Variants in STX11 observed in about 807,000 individuals in gnomAD.
The protein encoded by STX11 is syntaxin-11.
A neutral mutation model predicts 19.9 loss-of-function variants in STX11; 21 were observed. That is an observed-to-expected ratio of 1.06 (90% CI 0.75 to 1.52). STX11 has a LOEUF of 1.52. Among genes scored for constraint, STX11 ranks in the 40% most tolerant of loss-of-function variants. The pLI, the probability that STX11 is intolerant of heterozygous loss-of-function variation, is 0.00. For missense variants in STX11, 438 were observed against 405.9 expected, an observed-to-expected ratio of 1.08 and a Z score of -0.68; for synonymous variants, 193 against 174.4, an observed-to-expected ratio of 1.11 and a Z score of -0.84.
In STX11 at chr6:144,170,799, G is replaced by A. The variant is rs1801608740; in HGVS notation, c.-5-15824G>A. The stretch of plus-strand genomic sequence containing the variant: ...ACAAATGGCATCATTTATACAAATA[G>A]TTACTGAATCTACATTAGTTATTTG... On this transcript the variant is annotated intron_variant, in intron 1 of 1. Transcript: ENST00000367568. The surrounding 1 kb of genome is among the most constrained non-coding windows in gnomAD (Gnocchi z 4.7). Among the ~76,000 whole-genome samples the A allele has an allele frequency of 6.6e-6, 1 of 152,142 alleles. No individual in the cohort carries two copies. Among genetic ancestry groups the A allele is most frequent in the African/African-American group, 2.4e-5 (1 of 41,418 alleles).
rs775005898 is a variant in STX11 at position 144,160,965 on chromosome 6, T to A, written c.-6+10262T>A. 7.2e-4 allele frequency among the ~76,000 whole-genome samples: 110 copies of A among 152,338 alleles called. No homozygotes were observed. Among genetic ancestry groups the A allele is most frequent in the Non-Finnish European group, 1.3e-3 (87 of 68,032 alleles). On this transcript the variant is annotated intron_variant, in intron 1 of 1. Coordinates refer to ENST00000367568, the MANE Select transcript of STX11 (RefSeq NM_003764.4). This position sits in a 1 kb window ranked among gnomAD's most constrained non-coding sequence, Gnocchi z 4.3. ...AGTATAACTTGATTCATGTTCTCATTTTTTGTCTTGCTTTTACCATAAATA... is the reference window on the plus strand; with the variant it reads ...AGTATAACTTGATTCATGTTCTCATATTTTGTCTTGCTTTTACCATAAATA...
intron 1 of STX11, among the ~76,000 whole-genome samples, chr6:144,179,997 T>C (rs1801868684): frequency 6.6e-6 from 1 of 152,206 alleles, no homozygotes; most frequent in Admixed American, 6.5e-5. Flanking sequence ...ACTCTCTTTT[T>C]CTTTCTCTTT....
chr6:144,159,522 GT>G lies in STX11; in HGVS notation c.-6+8820del, dbSNP rs1325785193. On this transcript the variant is annotated intron_variant, in intron 1 of 1. Coordinates refer to ENST00000367568, the MANE Select transcript of STX11 (RefSeq NM_003764.4). The surrounding 1 kb of genome is among the most constrained non-coding windows in gnomAD (Gnocchi z 4.3). ...AGCTAGTTCAAAATTGACTCTGTGT[GT>G]GTGTGTGTGTGTGTCCGTCCAGTAT... is the stretch of plus-strand genomic sequence containing the variant. 3.9e-5 allele frequency among the ~76,000 whole-genome samples: 6 copies of G among 151,944 alleles called. No individual in the cohort carries two copies. Among genetic ancestry groups the G allele is most frequent in the Admixed American group, 3.9e-4 (6 of 15,260 alleles).
Position 144,187,230 on chromosome 6 carries a change from G to A in STX11, c.603G>A (p.Arg201=). Residue 201 remains arginine (R), a synonymous_variant, in exon 2 of 2, where the codon CGG becomes CGA. Transcript: ENST00000367568. The surrounding 1 kb of genome is among the most constrained non-coding windows in gnomAD (Gnocchi z 5.6). ...ENLLADVKGA[R]AALNEIESRH... is the part of the protein sequence containing the mutation. ...TGCTGGCCGACGTGAAGGGCGCGCG[G>A]GCCGCCCTCAACGAGATCGAGAGCC... The A allele has an allele frequency of 6.2e-7, 1 of 1,613,886 alleles. No homozygotes were observed. Among genetic ancestry groups the A allele is most frequent in the Non-Finnish European group, 8.5e-7 (1 of 1,179,982 alleles).
Position 144,186,737 on chromosome 6 carries a change from C to T in STX11, c.110C>T (p.Thr37Met), listed in dbSNP as rs771687230. 4.3e-6 allele frequency: 7 copies of T among 1,614,174 alleles called. No homozygotes were observed. The highest frequency in any genetic ancestry group is 1.7e-5 in the Admixed American group (1 of 60,026). Residue 37 changes from threonine (T) to methionine (M), a missense_variant, in exon 2 of 2, where the codon ACG (threonine) becomes ATG (methionine). Physicochemically the swap from Thr to Met is moderately conservative, Grantham distance 81. Coordinates refer to ENST00000367568, the MANE Select transcript of STX11 (RefSeq NM_003764.4). ...CCCCACGAGGACATCGTGTTCGAGA[C>T]GGACCACATCCTGGAGTCCCTGTAC... ...DSPHEDIVFE[T>M]DHILESLYRD... is the part of the protein sequence containing the mutation.
rs546482976 is a variant in STX11 at position 144,186,220 on chromosome 6, G to A, written c.-5-403G>A. Among the ~76,000 whole-genome samples, 701 of 149,572 alleles carry A rather than the reference G, an allele frequency of 4.7e-3. 2 individuals carry two copies. Among genetic ancestry groups the A allele is most frequent in the Non-Finnish European group, 7.4e-3 (502 of 67,420 alleles). On this transcript the variant is annotated intron_variant, in intron 1 of 1. Transcript: ENST00000367568. ...ATTAGGAGATATACCTAATGTAAAT[G>A]ATGAGTTAATGGGTGCAGCACACCA...
rs1802045777 is a variant in STX11 at position 144,186,684 on chromosome 6, C to T, written c.57C>T (p.Phe19=). 6.2e-7 allele frequency: 1 copy of T among 1,614,090 alleles called. No homozygotes were observed. Among genetic ancestry groups the T allele is most frequent in the Non-Finnish European group, 8.5e-7 (1 of 1,180,050 alleles). Residue 19 remains phenylalanine, a synonymous_variant, in exon 2 of 2, where the codon TTC becomes TTT. Transcript: ENST00000367568. ...LDLSKQYDQQ[F]PDGDDEFDSP... ...TGTCCAAGCAATATGACCAGCAGTT[C>T]CCAGACGGGGACGATGAGTTTGACT...
At chr6:144,173,276 T>G (rs1421281450) in intron 1 of STX11, among the ~76,000 whole-genome samples, 1 of 152,212 alleles carries the variant, frequency 6.6e-6, no homozygotes, top group Non-Finnish European at 1.5e-5. Flanking sequence ...CTAATTAGGC[T>G]CCATGCCCCT....
chr6:144,142,230 A>G, the STX11 span, among the ~76,000 whole-genome samples: 1 of 152,018 alleles, frequency 6.6e-6, no homozygotes, highest in East Asian at 1.9e-4. Flanking sequence ...GTAACCAAAC[A>G]ATAGTATTGG....
At position 144,176,741 on chromosome 6, in the gene STX11, C is replaced by T. The variant is rs1801787395; in HGVS notation, c.-5-9882C>T. 6.6e-6 allele frequency among the ~76,000 whole-genome samples: 1 copy of T among 152,084 alleles called. No individual in the cohort carries two copies. The highest frequency in any genetic ancestry group is 2.4e-5 in the African/African-American group (1 of 41,408). On this transcript the variant is annotated intron_variant, in intron 1 of 1. Transcript: ENST00000367568. This position sits in a 1 kb window ranked among gnomAD's most constrained non-coding sequence, Gnocchi z 4.1. ...CATGGTTGAAAGATGTTAATAATGG[C>T]CATTTGAGTCATCAATAAATTGTGT... is the stretch of plus-strand genomic sequence containing the variant.
At chr6:144,158,778 C>T (rs1801245402) in intron 1 of STX11, among the ~76,000 whole-genome samples, 1 of 152,226 alleles carries the variant, frequency 6.6e-6, no homozygotes, top group South Asian at 2.1e-4. Flanking sequence ...ATCTGATTCA[C>T]TGACATTGGC....
Position 144,152,365 on chromosome 6 carries a change from C to T in STX11, c.-6+1662C>T, listed in dbSNP as rs766823354. ...CTGAAGATCTGGGATTTGGAATGGA[C>T]TGGGTCATGGCTGGAAGAGCAAGGA... On this transcript the variant is annotated intron_variant, in intron 1 of 1. Transcript: ENST00000367568. The surrounding 1 kb of genome is among the most constrained non-coding windows in gnomAD (Gnocchi z 4.9). Among the ~76,000 whole-genome samples the T allele has an allele frequency of 4.6e-5, 7 of 152,184 alleles. No homozygotes were observed. Among genetic ancestry groups the T allele is most frequent in the Non-Finnish European group, 1.0e-4 (7 of 68,042 alleles).
chr6:144,141,931 C>T, the STX11 span, among the ~76,000 whole-genome samples: 2 of 152,150 alleles, frequency 1.3e-5, no homozygotes, highest in South Asian at 4.1e-4. Flanking sequence ...CTCTGCCCAC[C>T]TCTGCCTCCT....
chr6:144,168,451 A>T (rs1388100774), intron 1 of STX11, among the ~76,000 whole-genome samples: 1 of 152,168 alleles, frequency 6.6e-6, no homozygotes, highest in African/African-American at 2.4e-5. Context: ...TTCATTGACA[A>T]CCATTTCAGC....
chr6:144,159,563 T>C lies in STX11; in HGVS notation c.-6+8860T>C, dbSNP rs1801280337. 6.6e-6 allele frequency among the ~76,000 whole-genome samples: 1 copy of C among 151,994 alleles called. No homozygotes were observed. The highest frequency in any genetic ancestry group is 6.6e-5 in the Admixed American group (1 of 15,252). ...CCGTCCAGTATGTGGAAAAAGACAGTACAGGAAAATGACGCCTTCATTTAA... is the reference window on the plus strand; with the variant it reads ...CCGTCCAGTATGTGGAAAAAGACAGCACAGGAAAATGACGCCTTCATTTAA... On this transcript the variant is annotated intron_variant, in intron 1 of 1. Coordinates refer to ENST00000367568, the MANE Select transcript of STX11 (RefSeq NM_003764.4). The surrounding 1 kb of genome is among the most constrained non-coding windows in gnomAD (Gnocchi z 4.3).
rs1802189260 is a variant in STX11 at position 144,190,562 on chromosome 6, C to T, written c.*3071C>T. Among the ~76,000 whole-genome samples the T allele has an allele frequency of 6.7e-6, 1 of 150,300 alleles. No individual in the cohort carries two copies. The highest frequency in any genetic ancestry group is 2.1e-4 in the South Asian group (1 of 4,802). ...AAATGGAATAAAGAAACCAAGACCC[C>T]ATCTTCTGTGAATATTAGGGCTTTT... is the stretch of plus-strand genomic sequence containing the variant. On this transcript the variant is annotated 3_prime_UTR_variant, in exon 2 of 2. Coordinates refer to ENST00000367568, the MANE Select transcript of STX11 (RefSeq NM_003764.4).
upstream of STX11, among the ~76,000 whole-genome samples, chr6:144,145,960 T>C (rs1224510047): frequency 6.6e-6 from 1 of 152,206 alleles, no homozygotes; most frequent in Non-Finnish European, 1.5e-5. Context: ...AATTCTATAT[T>C]GTAAATATTT....
At position 144,182,730 on chromosome 6, in the gene STX11, C is replaced by G. The variant is rs759768229; in HGVS notation, c.-5-3893C>G. 4.1e-4 allele frequency among the ~76,000 whole-genome samples: 62 copies of G among 152,194 alleles called. No homozygotes were observed. The highest frequency in any genetic ancestry group is 7.8e-4 in the Non-Finnish European group (53 of 68,048). ...GGACCTGTCTAGGATAAGCAGGATA[C>G]ATACAAATGATCCCTAGTGTCCCAG... On this transcript the variant is annotated intron_variant, in intron 1 of 1. Coordinates refer to ENST00000367568, the MANE Select transcript of STX11 (RefSeq NM_003764.4). The surrounding 1 kb of genome is among the most constrained non-coding windows in gnomAD (Gnocchi z 4.8).
At chr6:144,185,998 G>T (rs1286283668) in intron 1 of STX11, among the ~76,000 whole-genome samples, 1 of 150,868 alleles carries the variant, frequency 6.6e-6, no homozygotes, top group Non-Finnish European at 1.5e-5. Flanking sequence ...CCAAAGCCTT[G>T]TAGATTATCC....
Sources: allele counts gnomAD v4.1 joint callset (sites outside exome capture counted in the v4.1 genomes callset), GRCh38; gene constraint gnomAD v4.1.1; non-coding constraint Gnocchi (gnomAD v3.1); transcripts MANE v1.5; gene names NCBI Gene and HGNC (gene_info 2026-07-23, HGNC 2026-07-21).